The following PRKAG2 variants were observed in gnomAD, a reference collection of about 807,000 sequenced individuals.
PRKAG2 encodes the protein 5'-AMP-activated protein kinase subunit gamma-2.
PRKAG2 carries 26 observed loss-of-function variants against 69.6 expected under a neutral mutation model. The ratio of observed to expected loss-of-function variants is 0.37; its 90% CI spans 0.27 to 0.52. PRKAG2 has a LOEUF of 0.52. Among genes scored for constraint, PRKAG2 ranks in the 20% least tolerant of loss-of-function variants. The probability of loss-of-function intolerance (pLI) is 0.90; values close to 1 mark genes in which losing one functional copy is unlikely to be tolerated. For synonymous variants in PRKAG2, 293 were observed against 285.0 expected (o/e 1.03, Z -0.28); for missense variants, 557 against 740.0 (o/e 0.75, Z 2.87).
At chr7:151,853,634 C>T (rs2079633093) in intron 1 of PRKAG2, among the ~76,000 whole-genome samples, 1 of 151,870 alleles carries the variant, frequency 6.6e-6, no homozygotes, top group Non-Finnish European at 1.5e-5. Context: ...GTGGCGGGTG[C>T]CTGTAGTCCC....
chr7:151,823,145 C>T (rs922849364), intron 1 of PRKAG2, among the ~76,000 whole-genome samples: 5 of 151,676 alleles, frequency 3.3e-5, no homozygotes, highest in Non-Finnish European at 5.9e-5. Flanking sequence ...AGGCGTGGCC[C>T]CTCTCAGCAC....
Position 151,669,879 on chromosome 7 carries a change from C to T in PRKAG2, c.684+5541G>A, listed in dbSNP as rs947194843. 9.9e-3 allele frequency among the ~76,000 whole-genome samples: 42 copies of T among 4,228 alleles called. No individual in the cohort carries two copies. In the South Asian group the frequency reaches 0.14, roughly 14 times the overall value. The allele number at this position is 4,228 out of a possible 152,430, so 2.8% of individuals were successfully genotyped here. A position where few individuals can be genotyped will look rare whatever the true frequency, so the allele number is the denominator to read the frequency against. The stretch of plus-strand genomic sequence containing the variant: ...CTGCATGCATACATACTTGCACACA[C>T]AGTTGCATGCACACACACCTGCATG... On this transcript the variant is annotated intron_variant, in intron 4 of 15. Transcript: ENST00000287878.
In PRKAG2 at chr7:151,675,768, G is replaced by GAT; in HGVS notation, c.467-132_467-131insAT. 2.2e-5 allele frequency: 19 copies of GAT among 875,814 alleles called. No homozygotes were observed. The African/African-American group carries it at 2.9e-4, about 13-fold the overall frequency. 54.3% of individuals were successfully genotyped at this position (875,814 alleles called of 1,614,324 possible). A position where few individuals can be genotyped will look rare whatever the true frequency, so the allele number is the denominator to read the frequency against. Reference sequence around the variant, plus strand: ...GGTCCGGCCTCCAGGAAGGGACGTCGGGGGCAGTCAGAGGTCCGGCCTCCA... The same window carrying GAT: ...GGTCCGGCCTCCAGGAAGGGACGTCGATGGGGCAGTCAGAGGTCCGGCCTCCA... On this transcript the variant is annotated intron_variant, in intron 3 of 15. Coordinates refer to ENST00000287878, the MANE Select transcript of PRKAG2 (RefSeq NM_016203.4).
Position 151,814,965 on chromosome 7 carries a change from A to G in PRKAG2, c.115-28424T>C. ...TGGAGGGAGGCAGGAGCAGAGGCCG[A>G]TGATGCAGCAGTGGACAGCTCTGGG... On this transcript the variant is annotated intron_variant, in intron 1 of 15. Coordinates refer to ENST00000287878, the MANE Select transcript of PRKAG2 (RefSeq NM_016203.4). This position sits in a 1 kb window ranked among gnomAD's most constrained non-coding sequence, Gnocchi z 4.8. The G allele has an allele frequency of 2.2e-6, 2 of 913,846 alleles. No individual in the cohort carries two copies. Among genetic ancestry groups the G allele is most frequent in the Admixed American group, 8.6e-5 (2 of 23,304 alleles). The allele number at this position is 913,846 out of a possible 1,614,324, so 56.6% of individuals were successfully genotyped here. A position where few individuals can be genotyped will look rare whatever the true frequency, so the allele number is the denominator to read the frequency against.
At chr7:151,859,443 T>C (rs2079863061) in intron 1 of PRKAG2, among the ~76,000 whole-genome samples, 1 of 152,208 alleles carries the variant, frequency 6.6e-6, no homozygotes, top group African/African-American at 2.4e-5. Flanking sequence ...TGGCCAGGAA[T>C]CATGGTCTTC....
chr7:151,763,263 G>A (rs994132016), intron 3 of PRKAG2, among the ~76,000 whole-genome samples: 19 of 152,248 alleles, frequency 1.2e-4, no homozygotes, highest in African/African-American at 3.4e-4. Flanking sequence ...ACGCTAAGGC[G>A]GGTCTCCTGC....
intron 1 of PRKAG2, among the ~76,000 whole-genome samples, chr7:151,804,565 G>A (rs1272877798): frequency 6.6e-6 from 1 of 152,036 alleles, no homozygotes; most frequent in African/African-American, 2.4e-5. Context: ...ATGTCACCAC[G>A]AGCCCTCCTC....
intron 1 of PRKAG2, among the ~76,000 whole-genome samples, chr7:151,787,086 C>T (rs375778983): frequency 4.6e-5 from 7 of 152,202 alleles, no homozygotes; most frequent in Non-Finnish European, 1.0e-4. Context: ...TCTGAAACAG[C>T]CCTGCCCCTT....
intron 8 of PRKAG2, among the ~76,000 whole-genome samples, chr7:151,573,681 G>A (rs1033381719): frequency 6.6e-6 from 1 of 152,116 alleles, no homozygotes; most frequent in African/African-American, 2.4e-5. Context: ...AGGAAAGCCC[G>A]TGTTCACTTG....
intron 4 of PRKAG2, among the ~76,000 whole-genome samples, chr7:151,651,709 T>C (rs1218722940): frequency 6.6e-6 from 1 of 152,218 alleles, no homozygotes; most frequent in African/African-American, 2.4e-5. Context: ...GGTGTCAGAT[T>C]ACACACTGCG....
At chr7:151,864,778 C>G (rs1452950292) in intron 1 of PRKAG2, among the ~76,000 whole-genome samples, 1 of 152,094 alleles carries the variant, frequency 6.6e-6, no homozygotes, top group Non-Finnish European at 1.5e-5. Flanking sequence ...TGGAAGGACC[C>G]AGGCCCCATC....
intron 4 of PRKAG2, among the ~76,000 whole-genome samples, chr7:151,650,559 G>A (rs1440052357): frequency 1.3e-5 from 2 of 152,160 alleles, no homozygotes; most frequent in African/African-American, 4.8e-5. Flanking sequence ...TTGAAAACTG[G>A]CCAGAGGACT....
At chr7:151,594,564 A>G (rs73730208) in intron 6 of PRKAG2, among the ~76,000 whole-genome samples, 5,394 of 152,298 alleles carry the variant, frequency 0.035, 319 homozygotes, top group African/African-American at 0.12. Context: ...CTTCTTTCAA[A>G]AGATTGCCCA....
intron 3 of PRKAG2, among the ~76,000 whole-genome samples, chr7:151,678,848 A>C (rs1165919882): frequency 6.6e-6 from 1 of 151,800 alleles, no homozygotes; most frequent in African/African-American, 2.4e-5. Context: ...AGTCCCAGCC[A>C]CTCCAGAGGC....
intron 1 of PRKAG2, among the ~76,000 whole-genome samples, chr7:151,821,452 C>T (rs1306946030): frequency 6.6e-6 from 1 of 152,204 alleles, no homozygotes; most frequent in East Asian, 1.9e-4. Flanking sequence ...CAGGCAGGTG[C>T]TCCGGGGCTG....
At chr7:151,670,665 G>T (rs1235352032) in intron 4 of PRKAG2, among the ~76,000 whole-genome samples, 3 of 152,140 alleles carry the variant, frequency 2.0e-5, no homozygotes, top group Non-Finnish European at 2.9e-5. Flanking sequence ...TCTTCCCAAA[G>T]AAACAAAAGC....
chr7:151,747,419 T>C lies in PRKAG2; in HGVS notation c.466+33733A>G, dbSNP rs1392404208. Among the ~76,000 whole-genome samples the C allele has an allele frequency of 2.6e-5, 4 of 152,138 alleles. No individual in the cohort carries two copies. The East Asian group carries it at 7.7e-4, about 29-fold the overall frequency. On this transcript the variant is annotated intron_variant, in intron 3 of 15. Transcript: ENST00000287878. ...TAAAAATACAAAAATTAGCCGGGCG[T>C]GGTGGCGGGCGCCTGTAATCCCAGT...
In PRKAG2 at chr7:151,632,602, C is replaced by G. The variant is rs1316222642; in HGVS notation, c.685-464G>C. 3.0e-6 allele frequency: 3 copies of G among 984,258 alleles called. No individual in the cohort carries two copies. The highest frequency in any genetic ancestry group is 3.6e-6 in the Non-Finnish European group (3 of 829,246). 61.0% of individuals were successfully genotyped at this position (984,258 alleles called of 1,614,324 possible). ...AGCACCGGCGGCCGCGCTCGGCAGG[C>G]TCCACCTGCGCAGGTGTGGGCTCCG... On this transcript the variant is annotated intron_variant, in intron 4 of 15. Coordinates refer to ENST00000287878, the MANE Select transcript of PRKAG2 (RefSeq NM_016203.4). This position sits in a 1 kb window ranked among gnomAD's most constrained non-coding sequence, Gnocchi z 4.2.
chr7:151,579,352 A>C (rs1020690774), intron 6 of PRKAG2, among the ~76,000 whole-genome samples: 1 of 152,232 alleles, frequency 6.6e-6, no homozygotes, highest in African/African-American at 2.4e-5. Context: ...CAAATTGCTT[A>C]CTGTTTTCTT....
Sources: allele counts gnomAD v4.1 joint callset (sites outside exome capture counted in the v4.1 genomes callset), GRCh38; gene constraint gnomAD v4.1.1; non-coding constraint Gnocchi (gnomAD v3.1); transcripts MANE v1.5; gene names NCBI Gene and HGNC (gene_info 2026-07-23, HGNC 2026-07-21).